Variants in P3H1 observed in about 807,000 individuals in gnomAD.
P3H1 encodes the protein prolyl 3-hydroxylase 1, also known as growth suppressor 1.
P3H1 carries 69 observed loss-of-function variants against 84.0 expected under a neutral mutation model. The ratio of observed to expected loss-of-function variants is 0.82; its 90% CI spans 0.68 to 1.00. The LOEUF (loss-of-function observed/expected upper bound fraction) is 1.00, where lower values mean the gene tolerates loss of function less well. P3H1 is among the 50% of genes least tolerant of loss of function. The pLI is 0.00. For synonymous variants in P3H1, 366 were observed against 388.8 expected (o/e 0.94, Z 0.69); for missense variants, 878 against 962.8 (o/e 0.91, Z 1.17).
rs1454717997 is a variant in P3H1 at position 42,757,883 on chromosome 1, T to G, written c.980A>C (p.Tyr327Ser). The change falls in exon 5 of 15, where the codon TAT becomes TCT. Residue 327 changes from tyrosine (Y) to serine (S), a missense_variant. Transcript: ENST00000296388. ...CTCGTCATTGGGGAAGAAGAGAAGA[T>G]AGGTCTTGGCACATTCAACAGCCTG... ...YTQAVECAKT[Y>S]LLFFPNDEVM... The G allele has an allele frequency of 6.2e-7, 1 of 1,614,052 alleles. No homozygotes were observed. Among genetic ancestry groups the G allele is most frequent in the East Asian group, 2.2e-5 (1 of 44,898 alleles).
chr1:42,748,660 C>T (rs373568795), intron 11 of P3H1: 13 of 360,088 alleles, frequency 3.6e-5, no homozygotes, highest in African/African-American at 1.5e-4. Context: ...GTGGGACGGA[C>T]GCAGGGCAGA....
Position 42,752,528 on chromosome 1 carries a change from T to C in P3H1, c.1473+9A>G. The C allele has an allele frequency of 6.2e-7, 1 of 1,614,082 alleles. No homozygotes were observed. Among genetic ancestry groups the C allele is most frequent in the Non-Finnish European group, 8.5e-7 (1 of 1,179,998 alleles). Reference sequence around the variant, plus strand: ...TTGGGGGAAGGTGCAGTCACTGGGCTTCCCTTACATTGGTCAGTCTCTGCA... The same window carrying C: ...TTGGGGGAAGGTGCAGTCACTGGGCCTCCCTTACATTGGTCAGTCTCTGCA... On this transcript the variant is annotated intron_variant, in intron 9 of 14. Coordinates refer to ENST00000296388, the MANE Select transcript of P3H1 (RefSeq NM_022356.4).
chr1:42,761,328 C>T (rs1335280591), intron 2 of P3H1: 2 of 152,126 alleles, frequency 1.3e-5, no homozygotes, highest in African/African-American at 4.8e-5. Flanking sequence ...ATGTAAGGAA[C>T]CATAAACTCT....
chr1:42,749,946 C>A, intron 11 of P3H1: 1 of 545,540 alleles, frequency 1.8e-6, no homozygotes, highest in Non-Finnish European at 3.3e-6. Context: ...GACGGGTGGC[C>A]CCCTTTCTGG....
At chr1:42,749,622 C>A (rs1651920058) in intron 11 of P3H1, among the ~76,000 whole-genome samples, 1 of 152,186 alleles carries the variant, frequency 6.6e-6, no homozygotes, top group African/African-American at 2.4e-5. Context: ...GGATTTGGCA[C>A]CTTTCTTAGT....
At position 42,754,122 on chromosome 1, in the gene P3H1, G is replaced by A. The variant is rs1303543139; in HGVS notation, c.1345+747C>T. On this transcript the variant is annotated intron_variant, in intron 8 of 14. Transcript: ENST00000296388. This position sits in a 1 kb window ranked among gnomAD's most constrained non-coding sequence, Gnocchi z 4.0. The stretch of plus-strand genomic sequence containing the variant: ...AGTAGAACATTCGGTTAAGGGGCAG[G>A]CACGGAGGATGGGTCAGAGGCCAGT... Among the ~76,000 whole-genome samples the A allele has an allele frequency of 6.6e-6, 1 of 152,210 alleles. No homozygotes were observed. Among genetic ancestry groups the A allele is most frequent in the East Asian group, 1.9e-4 (1 of 5,204 alleles).
chr1:42,752,339 C>G lies in P3H1; in HGVS notation c.1504G>C (p.Gly502Arg), dbSNP rs139259804. 1,824 of 1,614,110 alleles carry G rather than the reference C, an allele frequency of 1.1e-3. 1 individual carries two copies. Among genetic ancestry groups the G allele is most frequent in the Non-Finnish European group, 1.2e-3 (1,438 of 1,180,040 alleles). Reference protein sequence around the residue: ...VAATSGDGYRGQTSPHTPNEK... With the variant: ...VAATSGDGYRRQTSPHTPNEK... ...TTGGGAGTATGTGGGGAGGTCTGAC[C>G]CCGGTAGCCATCTCCTGAGGTTGCT... is the stretch of plus-strand genomic sequence containing the variant. Residue 502 changes from glycine (G) to arginine (R), a missense_variant, in exon 10 of 15, where the codon GGT (glycine) becomes CGT (arginine). Transcript: ENST00000296388.
intron 11 of P3H1, chr1:42,748,768 G>A: frequency 3.6e-6 from 1 of 281,270 alleles, no homozygotes. Context: ...ATGAACTTCA[G>A]TGGGGCTCTG....
intron 8 of P3H1, among the ~76,000 whole-genome samples, chr1:42,753,440 C>T (rs1652219528): frequency 6.6e-6 from 1 of 152,180 alleles, no homozygotes; most frequent in Non-Finnish European, 1.5e-5. Flanking sequence ...ACTAGAGACT[C>T]AGTTCAACTC....
rs148286077 is a variant in P3H1, at chr1:42,753,821, G to A, written c.1345+1048C>T. 4.3e-3 allele frequency among the ~76,000 whole-genome samples: 648 copies of A among 152,212 alleles called. 6 individuals are homozygous for A. Among genetic ancestry groups the A allele is most frequent in the African/African-American group, 0.015 (616 of 41,528 alleles). On this transcript the variant is annotated intron_variant, in intron 8 of 14. Transcript: ENST00000296388. ...GCCTGTAATCCCAGCTACTTGGGAG[G>A]CTGAGGCAGGAGAATTCCTTGATGA... is the stretch of plus-strand genomic sequence containing the variant.
chr1:42,746,580 C>T lies in P3H1; in HGVS notation c.*117G>A, dbSNP rs974955821. 14 of 821,318 alleles carry T rather than the reference C, an allele frequency of 1.7e-5. No homozygotes were observed. Among genetic ancestry groups the T allele is most frequent in the Admixed American group, 1.3e-4 (6 of 47,316 alleles). The allele number at this position is 821,318 out of a possible 1,614,324, so 50.9% of individuals were successfully genotyped here. On this transcript the variant is annotated 3_prime_UTR_variant, in exon 15 of 15. Transcript: ENST00000296388. ...TAGAAGGCTGTGAGCAGGGTCCCCT[C>T]GGCTGAGTGGCAGATGTAGGCTCAC...
rs1430349543 is a variant in P3H1 at position 42,748,322 on chromosome 1, G to T, written c.1721-5C>A. On this transcript the variant is annotated splice_polypyrimidine_tract_variant and splice_region_variant and intron_variant, in intron 11 of 14. Transcript: ENST00000296388. The stretch of plus-strand genomic sequence containing the variant: ...CCTTCCTCTCTGCCTGGACCTCTGG[G>T]GCCAATGTCACACATGTTAGCAAGG... 6.9e-6 allele frequency: 11 copies of T among 1,605,620 alleles called. No individual in the cohort carries two copies. The highest frequency in any genetic ancestry group is 9.4e-6 in the Non-Finnish European group (11 of 1,172,630).
At chr1:42,747,476 G>T in intron 13 of P3H1, 64 bp from the exon 14 acceptor site, 2 of 1,508,648 alleles carry the variant, frequency 1.3e-6, no homozygotes, top group Non-Finnish European at 1.8e-6. Flanking sequence ...TCTCAGAAGA[G>T]ACATGGGCTC....
At chr1:42,757,716 A>G (rs778118850) in intron 5 of P3H1, 67 bp downstream of exon 5, 44 of 1,612,978 alleles carry the variant, frequency 2.7e-5, no homozygotes, top group Non-Finnish European at 3.7e-5. Flanking sequence ...CCCCTCTGCT[A>G]CCCCACTCTT....
intron 2 of P3H1, chr1:42,762,114 T>C (rs567475647): frequency 1.3e-5 from 7 of 552,756 alleles, no homozygotes; most frequent in East Asian, 6.2e-5. Context: ...ACCTTAGTAA[T>C]GTCATTTAAA....
chr1:42,758,392 A>G (rs1171025617), intron 4 of P3H1, among the ~76,000 whole-genome samples: 4 of 152,156 alleles, frequency 2.6e-5, no homozygotes, highest in African/African-American at 4.8e-5. Context: ...TCTCAACTCA[A>G]CTGTAAATAT....
At chr1:42,756,100 G>A (rs1238713174) in intron 5 of P3H1, among the ~76,000 whole-genome samples, 1 of 152,192 alleles carries the variant, frequency 6.6e-6, no homozygotes, top group Non-Finnish European at 1.5e-5. Context: ...TTCTACAGAG[G>A]AAGCATCTGA....
At chr1:42,753,813 CTTG>C (rs1652238969) in intron 8 of P3H1, among the ~76,000 whole-genome samples, 1 of 151,960 alleles carries the variant, frequency 6.6e-6, no homozygotes, top group East Asian at 1.9e-4. Context: ...ATCCCAGCTA[CTTG>C]GGAGGCTGAG....
intron 2 of P3H1, chr1:42,762,111 T>C (rs1411988639): frequency 7.3e-6 from 4 of 546,804 alleles, no homozygotes; most frequent in Non-Finnish European, 1.3e-5. Flanking sequence ...ACAACCTTAG[T>C]AATGTCATTT....
Sources: allele counts gnomAD v4.1 joint callset (sites outside exome capture counted in the v4.1 genomes callset), GRCh38; gene constraint gnomAD v4.1.1; non-coding constraint Gnocchi (gnomAD v3.1); transcripts MANE v1.5; gene names NCBI Gene and HGNC (gene_info 2026-07-23, HGNC 2026-07-21).